TRIM36: variants seen among roughly 807,000 people sequenced by gnomAD.
TRIM36 encodes tripartite motif containing 36, also known as E3 ubiquitin-protein ligase TRIM36.
In TRIM36, 42 loss-of-function variants were observed where a neutral mutation model predicts 72.4. The ratio of observed to expected loss-of-function variants is 0.58; its 90% CI spans 0.45 to 0.75. TRIM36 has a LOEUF of 0.75. Among genes scored for constraint, TRIM36 ranks in the 30% least tolerant of loss-of-function variants. TRIM36 has a pLI of 0.00. For synonymous variants in TRIM36, 315 were observed against 282.8 expected, an observed-to-expected ratio of 1.11 and a Z score of -1.14; for missense variants, 913 against 857.1, an observed-to-expected ratio of 1.07 and a Z score of -0.81.
intron 1 of TRIM36, among the ~76,000 whole-genome samples, chr5:115,175,682 TA>T (rs59146062): frequency 1.1e-3 from 169 of 150,774 alleles, no homozygotes; most frequent in Middle Eastern, 6.8e-3. Flanking sequence ...CGCAATATAG[TA>T]AAAAAAAATA....
intron 6 of TRIM36, 76 bp downstream of exon 6, chr5:115,137,287 A>G (rs921233172): frequency 2.0e-6 from 3 of 1,528,054 alleles, no homozygotes; most frequent in African/African-American, 2.8e-5. Context: ...GACCAATCAG[A>G]GCTAAAGTGA....
intron 1 of TRIM36, among the ~76,000 whole-genome samples, chr5:115,166,555 C>T (rs1754786387): frequency 6.6e-6 from 1 of 152,224 alleles, no homozygotes; most frequent in African/African-American, 2.4e-5. Context: ...CTTGTTCACC[C>T]TCCAGTTGTC....
At chr5:115,158,699 C>T (rs1284424780) in intron 2 of TRIM36, among the ~76,000 whole-genome samples, 1 of 152,200 alleles carries the variant, frequency 6.6e-6, no homozygotes, top group Non-Finnish European at 1.5e-5. Context: ...GGTATTATAT[C>T]AGCATTCTTC....
At chr5:115,159,231 A>T (rs778162689) in intron 2 of TRIM36, among the ~76,000 whole-genome samples, 23 of 152,218 alleles carry the variant, frequency 1.5e-4, no homozygotes, top group Non-Finnish European at 2.8e-4. Context: ...CATTAAATAG[A>T]AAAATAATCA....
At chr5:115,138,902 G>A (rs1436339769) in intron 5 of TRIM36, among the ~76,000 whole-genome samples, 3 of 152,018 alleles carry the variant, frequency 2.0e-5, no homozygotes, top group South Asian at 2.1e-4. Flanking sequence ...TGCAAGCTCC[G>A]CCTCCAAGGT....
chr5:115,152,670 A>G (rs1367316722), intron 2 of TRIM36, among the ~76,000 whole-genome samples: 1 of 152,216 alleles, frequency 6.6e-6, no homozygotes, highest in Non-Finnish European at 1.5e-5. Flanking sequence ...CAGATTTCTC[A>G]GCAGAAACCC....
intron 1 of TRIM36, chr5:115,177,909 A>G: frequency 6.3e-7 from 1 of 1,599,354 alleles, no homozygotes; most frequent in African/African-American, 1.3e-5. Flanking sequence ...GAGAGCAGAG[A>G]AATCCAGTAA....
chr5:115,134,778 G>C (rs1396505405), intron 7 of TRIM36, among the ~76,000 whole-genome samples: 8 of 152,302 alleles, frequency 5.3e-5, no homozygotes, highest in African/African-American at 1.9e-4. Context: ...CTGACCTCAT[G>C]ATCTGCCTGC....
At position 115,149,626 on chromosome 5, in the gene TRIM36, C is replaced by T. The variant is rs1753778001; in HGVS notation, c.263-2232G>A. On this transcript the variant is annotated intron_variant, in intron 2 of 9. Transcript: ENST00000513154. ...ATCCCTTTTCTGTTTACCTCTGCTACTGTGTTTTTACAGTGTAAAAAAAAA... is the reference window on the plus strand; with the variant it reads ...ATCCCTTTTCTGTTTACCTCTGCTATTGTGTTTTTACAGTGTAAAAAAAAA... 3 of 72,842 alleles carry T rather than the reference C, an allele frequency of 4.1e-5. No individual in the cohort carries two copies. In the South Asian group the frequency reaches 1.4e-3, roughly 34 times the overall value. 4.5% of individuals were successfully genotyped at this position (72,842 alleles called of 1,614,324 possible).
rs1296728009 is a variant in TRIM36, at chr5:115,124,995, A to C, written c.*1508T>G. ...TTTGCTTAGTTTAGCCTACATCATA[A>C]AGTGCTATTCATAGATGGGAAATTA... On this transcript the variant is annotated 3_prime_UTR_variant, in exon 10 of 10. Coordinates refer to ENST00000513154, the MANE Select transcript of TRIM36 (RefSeq NM_001300759.2). 1 of 152,474 alleles carries C rather than the reference A, an allele frequency of 6.6e-6. No individual in the cohort carries two copies. The highest frequency in any genetic ancestry group is 2.4e-5 in the African/African-American group (1 of 41,450). The allele number at this position is 152,474 out of a possible 1,614,324, so 9.4% of individuals were successfully genotyped here. A position where few individuals can be genotyped will look rare whatever the true frequency, so the allele number is the denominator to read the frequency against.
chr5:115,155,825 C>A lies in TRIM36; in HGVS notation c.262+7693G>T, dbSNP rs117497862. The stretch of plus-strand genomic sequence containing the variant: ...GGAAGTCCTAGCCAGAGCAATCAGA[C>A]ATAAATGGCAACCAAATCGGTAAAA... On this transcript the variant is annotated intron_variant, in intron 2 of 9. Coordinates refer to ENST00000513154, the MANE Select transcript of TRIM36 (RefSeq NM_001300759.2). 3.7e-4 allele frequency among the ~76,000 whole-genome samples: 57 copies of A among 152,030 alleles called. 1 individual carries two copies. The East Asian group carries it at 9.3e-3, about 25-fold the overall frequency.
chr5:115,174,440 C>G (rs1479157386), upstream of TRIM36, among the ~76,000 whole-genome samples: 2 of 152,184 alleles, frequency 1.3e-5, no homozygotes, highest in Non-Finnish European at 2.9e-5. Flanking sequence ...GATTGGCACA[C>G]GGACCACCTA....
chr5:115,132,632 C>A (rs1398315206), intron 8 of TRIM36, among the ~76,000 whole-genome samples: 1 of 151,564 alleles, frequency 6.6e-6, no homozygotes, highest in Non-Finnish European at 1.5e-5. Context: ...GCTAATGCCT[C>A]TTTTCCTGGC....
At position 115,163,508 on chromosome 5, in the gene TRIM36, T is replaced by C; in HGVS notation, c.262+10A>G. The C allele has an allele frequency of 6.2e-7, 1 of 1,612,380 alleles. No individual in the cohort carries two copies. The highest frequency in any genetic ancestry group is 2.2e-5 in the East Asian group (1 of 44,868). On this transcript the variant is annotated intron_variant, in intron 2 of 9. Transcript: ENST00000513154. ...CCACTACCATCCCAGCCCACAGTTC[T>C]AACACATACCTGGTCTGTTAATTCG...
intron 2 of TRIM36, chr5:115,159,506 T>G (rs1754362179): frequency 3.6e-6 from 1 of 279,642 alleles, no homozygotes; most frequent in Non-Finnish European, 7.0e-6. Flanking sequence ...TTAAGTCGTT[T>G]CAGCCCAATT....
chr5:115,161,279 A>T (rs1017417538), intron 2 of TRIM36, among the ~76,000 whole-genome samples: 1 of 152,210 alleles, frequency 6.6e-6, no homozygotes, highest in Non-Finnish European at 1.5e-5. Context: ...CAGGTGCTCA[A>T]ATATTTGTTG....
intron 4 of TRIM36, among the ~76,000 whole-genome samples, chr5:115,143,083 C>G (rs1020998434): frequency 5.9e-5 from 9 of 151,998 alleles, no homozygotes; most frequent in African/African-American, 1.9e-4. Flanking sequence ...GTCTCCCATA[C>G]ATATTCAGCA....
chr5:115,158,754 T>C lies in TRIM36; in HGVS notation c.262+4764A>G, dbSNP rs1754321944. The stretch of plus-strand genomic sequence containing the variant: ...TCTCAACTACCCTCTGAACCAAAAA[T>C]GGGTAGTAGCTTTTTTAAAGCAAAC... On this transcript the variant is annotated intron_variant, in intron 2 of 9. Coordinates refer to ENST00000513154, the MANE Select transcript of TRIM36 (RefSeq NM_001300759.2). 2.6e-5 allele frequency among the ~76,000 whole-genome samples: 4 copies of C among 152,338 alleles called. No homozygotes were observed. In the South Asian group the frequency reaches 8.3e-4, roughly 32 times the overall value.
intron 1 of TRIM36, among the ~76,000 whole-genome samples, chr5:115,164,254 T>G (rs900422217): frequency 6.6e-6 from 1 of 152,218 alleles, no homozygotes; most frequent in African/African-American, 2.4e-5. Context: ...CAAGCTGAAT[T>G]ATCAGCAATT....
Sources: allele counts gnomAD v4.1 joint callset (sites outside exome capture counted in the v4.1 genomes callset), GRCh38; gene constraint gnomAD v4.1.1; transcripts MANE v1.5; gene names NCBI Gene and HGNC (gene_info 2026-07-23, HGNC 2026-07-21).